Variants in LCOR observed in about 807,000 individuals in gnomAD.
LCOR encodes ligand dependent nuclear receptor corepressor, also known as ligand-dependent corepressor.
Under a neutral mutation model 64.4 loss-of-function variants are expected in LCOR, and 14 were observed. The ratio of observed to expected loss-of-function variants is 0.22; its 90% confidence interval spans 0.14 to 0.34. The LOEUF (loss-of-function observed/expected upper bound fraction) is 0.34, where lower values mean the gene tolerates loss of function less well. Ranked by LOEUF, LCOR falls within the 10% of genes least tolerant of loss-of-function variation. The pLI is 1.00. For synonymous variants in LCOR, 643 were observed against 642.5 expected, an observed-to-expected ratio of 1.00 and a Z score of -0.01; for missense variants, 1,686 against 1,765.3, an observed-to-expected ratio of 0.96 and a Z score of 0.80.
intron 7 of LCOR, among the ~76,000 whole-genome samples, chr10:96,971,018 A>G (rs1028158288): frequency 1.3e-5 from 2 of 152,240 alleles, no homozygotes; most frequent in African/African-American, 4.8e-5. Context: ...ACATATATAC[A>G]TACAAATTGG....
chr10:96,834,572 C>T (rs1224924571), intron 2 of LCOR, among the ~76,000 whole-genome samples: 3 of 152,046 alleles, frequency 2.0e-5, no homozygotes, highest in Non-Finnish European at 4.4e-5. Flanking sequence ...GAAATTAATG[C>T]GTTTTCAGAA....
rs1002666975 is a variant in LCOR, at chr10:96,985,300, C to A, written c.*166C>A. On this transcript the variant is annotated 3_prime_UTR_variant, in exon 8 of 8. Coordinates refer to ENST00000421806, the MANE Select transcript of LCOR (RefSeq NM_001346516.2). ...AATGCATCTCAGATGGAGAAGGGAA[C>A]TTGCAGAGTCCTTCTCTGAGGCTAA... The A allele has an allele frequency of 1.9e-5, 15 of 794,654 alleles. No individual in the cohort carries two copies. The highest frequency in any genetic ancestry group is 2.6e-5 in the Non-Finnish European group (14 of 540,586). The allele number at this position is 794,654 out of a possible 1,614,324, so 49.2% of individuals were successfully genotyped here.
chr10:96,966,342 C>T (rs892121881), intron 7 of LCOR, among the ~76,000 whole-genome samples: 2 of 150,358 alleles, frequency 1.3e-5, no homozygotes, highest in African/African-American at 4.9e-5. Flanking sequence ...CATTCTCCTG[C>T]CTCAGCCTCC....
At chr10:96,947,768 A>T (rs1847613705) in intron 5 of LCOR, among the ~76,000 whole-genome samples, 3 of 151,736 alleles carry the variant, frequency 2.0e-5, no homozygotes, top group African/African-American at 7.3e-5. Context: ...TTTCATGTTG[A>T]TTGACCTATT....
At chr10:96,909,746 T>A (rs530461296) in intron 4 of LCOR, among the ~76,000 whole-genome samples, 1 of 152,348 alleles carries the variant, frequency 6.6e-6, no homozygotes, top group East Asian at 1.9e-4. Context: ...TGGAATGGTC[T>A]GTTTTTGTTG....
intron 4 of LCOR, among the ~76,000 whole-genome samples, chr10:96,939,655 G>A (rs1007006385): frequency 6.6e-6 from 1 of 152,104 alleles, no homozygotes; most frequent in African/African-American, 2.4e-5. Context: ...AATGGTAAAC[G>A]ACTCAATAAA....
chr10:96,857,061 C>T (rs922803000), intron 2 of LCOR, among the ~76,000 whole-genome samples: 9 of 150,568 alleles, frequency 6.0e-5, no homozygotes, highest in Non-Finnish European at 1.2e-4. Flanking sequence ...CCTGTGAATA[C>T]TAAGATATTA....
In LCOR at chr10:96,995,689, T is replaced by A. The variant is rs1489014687; in HGVS notation, c.*10555T>A. 6.6e-6 allele frequency: 1 copy of A among 152,202 alleles called. No individual in the cohort carries two copies. The highest frequency in any genetic ancestry group is 6.5e-5 in the Admixed American group (1 of 15,288). The allele number at this position is 152,202 out of a possible 1,614,324, so 9.4% of individuals were successfully genotyped here. ...GTACCAAGTCTCTTAAATATTGAAATCTTGTAGACTTCTTGTGCTTCTGTG... is the reference window on the plus strand; with the variant it reads ...GTACCAAGTCTCTTAAATATTGAAAACTTGTAGACTTCTTGTGCTTCTGTG... On this transcript the variant is annotated 3_prime_UTR_variant, in exon 8 of 8. Coordinates refer to ENST00000421806, the MANE Select transcript of LCOR (RefSeq NM_001346516.2). The surrounding 1 kb of genome is among the most constrained non-coding windows in gnomAD (Gnocchi z 4.2).
At chr10:96,873,807 T>C (rs1406083240) in intron 2 of LCOR, among the ~76,000 whole-genome samples, 2 of 152,102 alleles carry the variant, frequency 1.3e-5, no homozygotes, top group Non-Finnish European at 2.9e-5. Context: ...TTTCACCATA[T>C]TGGTAATGCT....
intron 7 of LCOR, among the ~76,000 whole-genome samples, chr10:96,967,012 T>C (rs1564642382): frequency 1.3e-5 from 2 of 152,218 alleles, no homozygotes. Flanking sequence ...GCTAGGATTA[T>C]AGGCATGAGC....
intron 2 of LCOR, among the ~76,000 whole-genome samples, chr10:96,901,403 A>G (rs544253532): frequency 6.6e-6 from 1 of 152,212 alleles, no homozygotes; most frequent in Admixed American, 6.5e-5. Flanking sequence ...TTTTAAGTAA[A>G]ATTAAGTGAA....
chr10:96,911,750 C>A (rs1210018366), intron 4 of LCOR, among the ~76,000 whole-genome samples: 3 of 152,192 alleles, frequency 2.0e-5, no homozygotes, highest in Non-Finnish European at 4.4e-5. Context: ...TACCTGCTTA[C>A]TTCTTTCCTT....
chr10:96,950,260 C>A (rs1442582843), intron 6 of LCOR, among the ~76,000 whole-genome samples: 2 of 152,004 alleles, frequency 1.3e-5, no homozygotes, highest in Admixed American at 1.3e-4. Flanking sequence ...AATGAACTTT[C>A]TTTTGAGTAG....
chr10:96,878,937 C>T (rs1318338483), intron 2 of LCOR, among the ~76,000 whole-genome samples: 1 of 152,100 alleles, frequency 6.6e-6, no homozygotes, highest in African/African-American at 2.4e-5. Context: ...GCTGGGACTA[C>T]AGGCTCACAC....
chr10:96,983,978 T>A lies in LCOR; in HGVS notation c.3518T>A (p.Leu1173His). The change falls in exon 8 of 8, where the codon CTC becomes CAC. Residue 1173 changes from leucine to histidine, a missense_variant. By Grantham distance (99) the Leu-to-His change is moderately conservative (BLOSUM62 -3). Transcript: ENST00000421806. The surrounding 1 kb of genome is among the most constrained non-coding windows in gnomAD (Gnocchi z 4.5). The stretch of plus-strand genomic sequence containing the variant: ...CAGAAGTGTTCTCCTGTTCAGATGC[T>A]CTTTATGACAAACTTTAAATTATCT... ...ESQKCSPVQM[L>H]FMTNFKLSNV... 6.2e-7 allele frequency: 1 copy of A among 1,614,204 alleles called. No homozygotes were observed. Among genetic ancestry groups the A allele is most frequent in the Non-Finnish European group, 8.5e-7 (1 of 1,180,034 alleles).
At chr10:96,948,964 A>G (rs961984149) in intron 5 of LCOR, 44 bp from the exon 6 acceptor site, 2 of 1,392,730 alleles carry the variant, frequency 1.4e-6, no homozygotes, top group East Asian at 4.6e-5. Context: ...TGTCTTTTTT[A>G]GTACATTGTC....
At chr10:96,957,577 G>A (rs1165070162) in intron 7 of LCOR, 2 of 985,308 alleles carry the variant, frequency 2.0e-6, no homozygotes, top group Non-Finnish European at 1.2e-6. Flanking sequence ...TGGAGTTTCA[G>A]TGTAAAATAA....
intron 2 of LCOR, among the ~76,000 whole-genome samples, chr10:96,878,451 G>C (rs1846207098): frequency 6.6e-6 from 1 of 152,150 alleles, no homozygotes; most frequent in Non-Finnish European, 1.5e-5. Context: ...GATTAATGTG[G>C]AAAGTAAGAA....
intron 2 of LCOR, 109 bp downstream of exon 2, chr10:96,833,588 T>G: frequency 2.8e-6 from 1 of 357,034 alleles, no homozygotes; most frequent in Non-Finnish European, 3.9e-6. Flanking sequence ...CGTCTTTGCT[T>G]CGGTGCTGCT....
Sources: gnomAD v4.1 joint callset for allele counts (sites outside exome capture counted in the v4.1 genomes callset) on GRCh38, gnomAD v4.1.1 for gene constraint, Gnocchi (gnomAD v3.1) non-coding constraint, MANE v1.5 for transcripts, NCBI Gene and HGNC (gene_info 2026-07-23, HGNC 2026-07-21) for gene names.